Variants in FAM171A1 observed in about 807,000 individuals in gnomAD.
The protein encoded by FAM171A1 is family with sequence similarity 171 member A1, also known as protein FAM171A1.
In FAM171A1, 23 loss-of-function variants were observed where a neutral mutation model predicts 74.9. That is an observed-to-expected ratio of 0.31 (90% CI 0.22 to 0.44). The LOEUF (loss-of-function observed/expected upper bound fraction) is 0.44, where lower values mean the gene tolerates loss of function less well. Among genes scored for constraint, FAM171A1 ranks in the 20% least tolerant of loss-of-function variants. FAM171A1 has a pLI of 1.00. For missense variants in FAM171A1, 1,162 were observed against 1,159.2 expected (o/e 1.00, Z -0.03); for synonymous variants, 527 against 505.7 (o/e 1.04, Z -0.57).
At chr10:15,298,113 C>T (rs1835182296) in intron 1 of FAM171A1, among the ~76,000 whole-genome samples, 1 of 152,064 alleles carries the variant, frequency 6.6e-6, no homozygotes, top group Non-Finnish European at 1.5e-5. Flanking sequence ...GCAAAACTCC[C>T]AATCTTCTTT....
chr10:15,226,829 C>T (rs1834114162), intron 5 of FAM171A1, among the ~76,000 whole-genome samples: 3 of 152,018 alleles, frequency 2.0e-5, no homozygotes, highest in Non-Finnish European at 2.9e-5. Context: ...TTCCTTATAA[C>T]GTGTTATCAG....
rs962973354 is a variant in FAM171A1 at position 15,264,281 on chromosome 10, C to T, written c.419-9402G>A. ...ACAGGTGTGAGCCACTGTGCCTGGC[C>T]CAGGCTTTCTTTATAAAACAGTGTC... On this transcript the variant is annotated intron_variant, in intron 3 of 7. Coordinates refer to ENST00000378116, the MANE Select transcript of FAM171A1 (RefSeq NM_001010924.2). Among the ~76,000 whole-genome samples the T allele has an allele frequency of 3.3e-5, 5 of 152,240 alleles. No individual in the cohort carries two copies. The East Asian group carries it at 9.7e-4, about 29-fold the overall frequency.
At chr10:15,268,708 G>T (rs998326226) in intron 3 of FAM171A1, among the ~76,000 whole-genome samples, 1 of 152,140 alleles carries the variant, frequency 6.6e-6, no homozygotes, top group African/African-American at 2.4e-5. Context: ...TGTGGGCCCA[G>T]CACAGGCACT....
At chr10:15,256,881 C>T (rs187276408) in intron 3 of FAM171A1, among the ~76,000 whole-genome samples, 1 of 152,286 alleles carries the variant, frequency 6.6e-6, no homozygotes, top group Admixed American at 6.5e-5. Context: ...TTCCACGCTG[C>T]CCTCCAGGAT....
intron 1 of FAM171A1, among the ~76,000 whole-genome samples, chr10:15,315,246 A>T (rs1488518257): frequency 6.6e-6 from 1 of 152,144 alleles, no homozygotes. Flanking sequence ...CTCTGGAGCC[A>T]AGCTGCTCTG....
rs144783831 is a variant in FAM171A1, at chr10:15,362,273, A to G, written c.97+8683T>C. Among the ~76,000 whole-genome samples, 375 of 152,364 alleles carry G rather than the reference A, an allele frequency of 2.5e-3. 1 individual carries two copies. The highest frequency in any genetic ancestry group is 8.6e-3 in the African/African-American group (359 of 41,586). Reference sequence around the variant, plus strand: ...GTATTGTCCAGGCTGTGCTGTAGCTACTTTAAATATTTGATCAACTAGGGC... The same window carrying G: ...GTATTGTCCAGGCTGTGCTGTAGCTGCTTTAAATATTTGATCAACTAGGGC... On this transcript the variant is annotated intron_variant, in intron 1 of 7. Coordinates refer to ENST00000378116, the MANE Select transcript of FAM171A1 (RefSeq NM_001010924.2).
At chr10:15,307,316 C>T (rs976680373) in intron 1 of FAM171A1, among the ~76,000 whole-genome samples, 2 of 152,070 alleles carry the variant, frequency 1.3e-5, no homozygotes, top group Non-Finnish European at 2.9e-5. Flanking sequence ...AGGCCATACA[C>T]AGGATCAAAT....
chr10:15,247,329 T>G (rs925898195), intron 5 of FAM171A1, among the ~76,000 whole-genome samples: 1 of 152,150 alleles, frequency 6.6e-6, no homozygotes, highest in Non-Finnish European at 1.5e-5. Flanking sequence ...AGTGGCTCGA[T>G]CATAGCGACA....
At chr10:15,228,251 C>T (rs1273064378) in intron 5 of FAM171A1, among the ~76,000 whole-genome samples, 4 of 151,550 alleles carry the variant, frequency 2.6e-5, no homozygotes, top group East Asian at 1.9e-4. Context: ...TTGAAAAGAT[C>T]GGACCTGAAT....
chr10:15,228,876 G>A (rs1009586402), intron 5 of FAM171A1, among the ~76,000 whole-genome samples: 12 of 152,298 alleles, frequency 7.9e-5, no homozygotes, highest in African/African-American at 2.6e-4. Context: ...CTGAACCACT[G>A]GTGCAATCCT....
chr10:15,264,704 G>C (rs1457565863), intron 3 of FAM171A1, among the ~76,000 whole-genome samples: 1 of 152,050 alleles, frequency 6.6e-6, no homozygotes, highest in Non-Finnish European at 1.5e-5. Context: ...GATCACTTGA[G>C]CTGGGGAGGC....
At chr10:15,271,419 G>A (rs765487513) in intron 3 of FAM171A1, among the ~76,000 whole-genome samples, 5 of 152,212 alleles carry the variant, frequency 3.3e-5, no homozygotes, top group Non-Finnish European at 7.3e-5. Context: ...TGGTGTACCT[G>A]AAAGCGACGG....
rs1321523809 is a variant in FAM171A1, at chr10:15,221,069, T to C, written c.755-9A>G. The stretch of plus-strand genomic sequence containing the variant: ...GCTCTTCAGCCACGTTCCTGTGGAA[T>C]TGAGAAAGAGATGTTAGCTACAAGC... On this transcript the variant is annotated splice_polypyrimidine_tract_variant and intron_variant, in intron 5 of 7. Coordinates refer to ENST00000378116, the MANE Select transcript of FAM171A1 (RefSeq NM_001010924.2). 3 of 1,612,236 alleles carry C rather than the reference T, an allele frequency of 1.9e-6. No homozygotes were observed. The highest frequency in any genetic ancestry group is 2.7e-5 in the African/African-American group (2 of 74,904).
At chr10:15,245,216 C>T (rs996615605) in intron 5 of FAM171A1, among the ~76,000 whole-genome samples, 2 of 152,146 alleles carry the variant, frequency 1.3e-5, no homozygotes, top group African/African-American at 4.8e-5. Context: ...TAGGCATGCA[C>T]CACCACGCCC....
chr10:15,268,455 G>A (rs899098857), intron 3 of FAM171A1, among the ~76,000 whole-genome samples: 1 of 152,044 alleles, frequency 6.6e-6, no homozygotes, highest in African/African-American at 2.4e-5. Flanking sequence ...TCGAGTTTTG[G>A]CCTGAGTTTA....
chr10:15,261,870 T>C lies in FAM171A1; in HGVS notation c.419-6991A>G, dbSNP rs1834661773. 2.0e-5 allele frequency among the ~76,000 whole-genome samples: 3 copies of C among 152,038 alleles called. No individual in the cohort carries two copies. The South Asian group carries it at 6.2e-4, about 32-fold the overall frequency. On this transcript the variant is annotated intron_variant, in intron 3 of 7. Transcript: ENST00000378116. ...TGGTGGCTCATCCTTGTCATCCCAG[T>C]GCTTTAGGAGGCTGAGGCAGGAGGA...
intron 3 of FAM171A1, among the ~76,000 whole-genome samples, chr10:15,263,364 C>G (rs1299191645): frequency 2.0e-5 from 3 of 152,156 alleles, no homozygotes; most frequent in African/African-American, 7.2e-5. Flanking sequence ...ACTACCAAAC[C>G]CCTCCCCACA....
At chr10:15,296,280 C>T (rs1356887211) in intron 1 of FAM171A1, among the ~76,000 whole-genome samples, 1 of 151,888 alleles carries the variant, frequency 6.6e-6, no homozygotes, top group Non-Finnish European at 1.5e-5. Context: ...ATCATGTCAT[C>T]CAAGGAAATT....
At chr10:15,272,213 A>G (rs560121598) in intron 3 of FAM171A1, among the ~76,000 whole-genome samples, 1 of 152,264 alleles carries the variant, frequency 6.6e-6, no homozygotes, top group East Asian at 1.9e-4. Context: ...AACAGAAAAC[A>G]AACAAACAAA....
Sources: gnomAD v4.1 joint callset for allele counts (sites outside exome capture counted in the v4.1 genomes callset) on GRCh38, gnomAD v4.1.1 for gene constraint, MANE v1.5 for transcripts, NCBI Gene and HGNC (gene_info 2026-07-23, HGNC 2026-07-21) for gene names.